Variants in REEP3 observed in about 807,000 individuals in gnomAD.
REEP3 encodes receptor accessory protein 3.
A neutral mutation model predicts 41.3 loss-of-function variants in REEP3; 20 were observed. The ratio of observed to expected loss-of-function variants is 0.48; its 90% CI spans 0.34 to 0.70. REEP3 has a LOEUF of 0.70. REEP3 is among the 30% of genes least tolerant of loss of function. The pLI is 0.01. For missense variants in REEP3, 271 were observed against 308.8 expected (o/e 0.88, Z 0.92); for synonymous variants, 104 against 101.8 (o/e 1.02, Z -0.13).
rs896101220 is a variant in REEP3 at position 63,599,985 on chromosome 10, A to G, written c.417+702A>G. ...GCTTCATGTATAAAATGGGGGTAAT[A>G]TACCTGTGAGAATATTTAAAAGCAC... On this transcript the variant is annotated intron_variant, in intron 5 of 7. Coordinates refer to ENST00000373758, the MANE Select transcript of REEP3 (RefSeq NM_001001330.3). 3.3e-5 allele frequency among the ~76,000 whole-genome samples: 5 copies of G among 152,322 alleles called. No homozygotes were observed. In the East Asian group the frequency reaches 9.6e-4, roughly 29 times the overall value.
Position 63,526,897 on chromosome 10 carries a change from T to C in REEP3, c.32+5320T>C, listed in dbSNP as rs184227364. 3.1e-3 allele frequency among the ~76,000 whole-genome samples: 475 copies of C among 152,260 alleles called. 2 individuals carry two copies. Among genetic ancestry groups the C allele is most frequent in the African/African-American group, 0.011 (450 of 41,564 alleles). ...TTTATAGTTTTAATATAGTTCGCCT[T>C]CTTTGTTTTTTATTTTGTGATTTCT... On this transcript the variant is annotated intron_variant, in intron 1 of 7. Coordinates refer to ENST00000373758, the MANE Select transcript of REEP3 (RefSeq NM_001001330.3).
intron 1 of REEP3, among the ~76,000 whole-genome samples, chr10:63,524,904 A>G (rs984993852): frequency 1.3e-5 from 2 of 151,968 alleles, no homozygotes; most frequent in Admixed American, 6.6e-5. Flanking sequence ...CCTGGCTACT[A>G]GGGAAGCTGA....
intron 2 of REEP3, among the ~76,000 whole-genome samples, chr10:63,582,460 G>A (rs1207869441): frequency 6.6e-6 from 1 of 152,148 alleles, no homozygotes; most frequent in Non-Finnish European, 1.5e-5. Context: ...GTGGCACTCA[G>A]GCAACCCTTC....
rs1434810975 is a variant in REEP3, at chr10:63,572,128, TAGA to T, written c.105+5721_105+5723del. Among the ~76,000 whole-genome samples the T allele has an allele frequency of 2.0e-5, 3 of 152,108 alleles. No homozygotes were observed. The East Asian group carries it at 5.8e-4, about 29-fold the overall frequency. ...GTGAACAAAGAGGTTCAAAATGAAA[TAGA>T]AGGTTTTGAAAATTCTGTAAAGTTC... On this transcript the variant is annotated intron_variant, in intron 2 of 7. Coordinates refer to ENST00000373758, the MANE Select transcript of REEP3 (RefSeq NM_001001330.3).
intron 4 of REEP3, among the ~76,000 whole-genome samples, chr10:63,598,828 A>C (rs1956144431): frequency 6.6e-6 from 1 of 151,544 alleles, no homozygotes; most frequent in African/African-American, 2.4e-5. Context: ...GCAGTGGCTC[A>C]TGCCTGTAAT....
intron 6 of REEP3, among the ~76,000 whole-genome samples, chr10:63,611,550 A>G (rs1308894403): frequency 1.3e-5 from 2 of 152,182 alleles, no homozygotes; most frequent in Non-Finnish European, 2.9e-5. Context: ...TCATTTTATC[A>G]CATATAATAA....
At chr10:63,577,779 C>T (rs138298591) in intron 2 of REEP3, among the ~76,000 whole-genome samples, 31 of 152,098 alleles carry the variant, frequency 2.0e-4, no homozygotes, top group Admixed American at 6.6e-4. Flanking sequence ...TTTCTTTTGG[C>T]GAGCTCTGCA....
At chr10:63,575,845 T>C (rs1955894559) in intron 2 of REEP3, among the ~76,000 whole-genome samples, 1 of 152,222 alleles carries the variant, frequency 6.6e-6, no homozygotes, top group Non-Finnish European at 1.5e-5. Context: ...GCAATTCTCC[T>C]GTCTCAGCCT....
At chr10:63,535,558 AAGG>A (rs1283443961) in intron 1 of REEP3, among the ~76,000 whole-genome samples, 1 of 152,184 alleles carries the variant, frequency 6.6e-6, no homozygotes, top group African/African-American at 2.4e-5. Flanking sequence ...TGTGAAGAAA[AAGG>A]AATAAAAACT....
At chr10:63,613,374 A>C (rs1956290260) in intron 6 of REEP3, among the ~76,000 whole-genome samples, 1 of 152,176 alleles carries the variant, frequency 6.6e-6, no homozygotes, top group Non-Finnish European at 1.5e-5. Context: ...TTAGTTCTTA[A>C]ATTTCAAATC....
At chr10:63,589,645 C>A (rs1040528898) in intron 2 of REEP3, among the ~76,000 whole-genome samples, 1 of 152,076 alleles carries the variant, frequency 6.6e-6, no homozygotes, top group African/African-American at 2.4e-5. Flanking sequence ...CTCAGGGGCA[C>A]GCCACTATAC....
At chr10:63,602,893 C>G (rs894307808) in intron 5 of REEP3, among the ~76,000 whole-genome samples, 4 of 152,124 alleles carry the variant, frequency 2.6e-5, no homozygotes, top group Admixed American at 6.6e-5. Context: ...TAGCAATGAA[C>G]AAGATAGATA....
chr10:63,537,517 A>G (rs192712376), intron 1 of REEP3, among the ~76,000 whole-genome samples: 1 of 152,202 alleles, frequency 6.6e-6, no homozygotes, highest in Non-Finnish European at 1.5e-5. Flanking sequence ...TGTGTGCTTC[A>G]TAACTTAGAA....
rs71025187 is a variant in REEP3 at position 63,533,710 on chromosome 10, C to CTTTTTTTTTTTTTTTT, written c.32+12148_32+12149insTTTTTTTTTTTTTTTT. On this transcript the variant is annotated intron_variant, in intron 1 of 7. Transcript: ENST00000373758. ...GAAAGAGCCTTGGAAGTATGTAAAT[C>CTTTTTTTTTTTTTTTT]TTTTTTTTTTTTTTTGAGACGGAGT... Among the ~76,000 whole-genome samples the CTTTTTTTTTTTTTTTT allele has an allele frequency of 2.3e-4, 23 of 101,068 alleles. 2 individuals are homozygous for CTTTTTTTTTTTTTTTT. Among genetic ancestry groups the CTTTTTTTTTTTTTTTT allele is most frequent in the East Asian group, 6.2e-4 (2 of 3,202 alleles). The allele number at this position is 101,068 out of a possible 152,430, so 66.3% of individuals were successfully genotyped here. A position where few individuals can be genotyped will look rare whatever the true frequency, so the allele number is the denominator to read the frequency against.
At chr10:63,595,524 T>A (rs765842813) in intron 3 of REEP3, among the ~76,000 whole-genome samples, 7 of 152,238 alleles carry the variant, frequency 4.6e-5, no homozygotes, top group Non-Finnish European at 8.8e-5. Context: ...TATCTTCATC[T>A]GCCCTTGACG....
chr10:63,554,113 A>C (rs1955655380), intron 1 of REEP3, among the ~76,000 whole-genome samples: 2 of 152,030 alleles, frequency 1.3e-5, no homozygotes, highest in Non-Finnish European at 2.9e-5. Context: ...AAAAAAAAAA[A>C]AAACCTTAGA....
At chr10:63,539,517 G>A (rs1564993453) in intron 1 of REEP3, among the ~76,000 whole-genome samples, 1 of 152,012 alleles carries the variant, frequency 6.6e-6, no homozygotes, top group Admixed American at 6.6e-5. Context: ...AAGAATCCAG[G>A]TACAGTGGTG....
Position 63,527,796 on chromosome 10 carries a change from C to T in REEP3, c.32+6219C>T, listed in dbSNP as rs529100597. Among the ~76,000 whole-genome samples, 10 of 152,252 alleles carry T rather than the reference C, an allele frequency of 6.6e-5. No individual in the cohort carries two copies. The South Asian group carries it at 1.9e-3, about 28-fold the overall frequency. On this transcript the variant is annotated intron_variant, in intron 1 of 7. Coordinates refer to ENST00000373758, the MANE Select transcript of REEP3 (RefSeq NM_001001330.3). Reference sequence around the variant, plus strand: ...GTTTGTTTAGACTTTTCTCTCCTTCCACTCCACTGAAATTGCCCTTCTCAG... The same window carrying T: ...GTTTGTTTAGACTTTTCTCTCCTTCTACTCCACTGAAATTGCCCTTCTCAG...
chr10:63,547,921 G>C (rs923696756), intron 1 of REEP3, among the ~76,000 whole-genome samples: 2 of 152,082 alleles, frequency 1.3e-5, no homozygotes, highest in African/African-American at 4.8e-5. Flanking sequence ...ATATCACCAG[G>C]GAAGGAGAAC....
Sources: gnomAD v4.1 joint callset for allele counts (sites outside exome capture counted in the v4.1 genomes callset) on GRCh38, gnomAD v4.1.1 for gene constraint, MANE v1.5 for transcripts, NCBI Gene and HGNC (gene_info 2026-07-23, HGNC 2026-07-21) for gene names.